The following LYRM4 variants were observed in gnomAD, a reference collection of about 807,000 sequenced individuals.
LYRM4 encodes the protein LYR motif-containing protein 4.
A neutral mutation model predicts 11.7 loss-of-function variants in LYRM4; 9 were observed. The observed-to-expected ratio is 0.77, with a 90% confidence interval of 0.46 to 1.34. The LOEUF (loss-of-function observed/expected upper bound fraction) is 1.34. LYRM4 is among the 40% of genes most tolerant of loss of function. LYRM4 has a pLI of 0.00. For missense variants in LYRM4, 133 were observed against 112.5 expected, an observed-to-expected ratio of 1.18 and a Z score of -0.82; for synonymous variants, 42 against 40.4, an observed-to-expected ratio of 1.04 and a Z score of -0.15.
chr6:5,107,790 G>A (rs1355102437), downstream of LYRM4: 1 of 151,958 alleles, frequency 6.6e-6, no homozygotes, highest in African/African-American at 2.4e-5. Flanking sequence ...CACTTTGGGG[G>A]GCCGAGGAGT....
intron 2 of LYRM4, among the ~76,000 whole-genome samples, chr6:5,128,265 GA>G (rs1467429748): frequency 6.6e-6 from 1 of 152,212 alleles, no homozygotes; most frequent in Admixed American, 6.5e-5. Flanking sequence ...TAGTGAAGAG[GA>G]CTGCAGTGAT....
chr6:5,044,830 G>A, the LYRM4 span, among the ~76,000 whole-genome samples: 1 of 152,160 alleles, frequency 6.6e-6, no homozygotes, highest in African/African-American at 2.4e-5. Flanking sequence ...CTTTTCTTTT[G>A]TTGTTACACA....
chr6:5,057,108 G>A, the LYRM4 span, among the ~76,000 whole-genome samples: 3 of 152,296 alleles, frequency 2.0e-5, no homozygotes, highest in African/African-American at 7.2e-5. Context: ...TGCGGTATCA[G>A]TGCAAGTGTC....
At chr6:5,185,015 T>A (rs1040709852) in intron 2 of LYRM4, among the ~76,000 whole-genome samples, 3 of 152,220 alleles carry the variant, frequency 2.0e-5, no homozygotes, top group Non-Finnish European at 4.4e-5. Context: ...CCCTTCCTTA[T>A]GCCCTGCTTG....
At chr6:5,215,181 T>C (rs1299233790) in intron 2 of LYRM4, among the ~76,000 whole-genome samples, 1 of 152,188 alleles carries the variant, frequency 6.6e-6, no homozygotes, top group Non-Finnish European at 1.5e-5. Context: ...AATTTTACGC[T>C]AAAGATAAAA....
the LYRM4 span, among the ~76,000 whole-genome samples, chr6:5,058,560 C>T: frequency 0.39 from 59,299 of 152,114 alleles, 14,302 homozygotes; most frequent in East Asian, 0.72. Context: ...TCTGAGCCTC[C>T]GCCAGCTCCA....
At chr6:5,214,133 G>A (rs1464273451) in intron 2 of LYRM4, among the ~76,000 whole-genome samples, 1 of 152,226 alleles carries the variant, frequency 6.6e-6, no homozygotes, top group Non-Finnish European at 1.5e-5. Context: ...TTGCAGAAGA[G>A]GGAGAAAATA....
chr6:5,218,429 C>T (rs4960073), intron 1 of LYRM4: 709,194 of 974,348 alleles, frequency 0.73, 258,939 homozygotes, highest in South Asian at 0.79. Flanking sequence ...CAAATTGTTT[C>T]AGATAAAGTT....
intron 1 of LYRM4, among the ~76,000 whole-genome samples, chr6:5,232,888 T>G (rs969565999): frequency 1.3e-4 from 20 of 152,246 alleles, no homozygotes; most frequent in African/African-American, 4.8e-4. Context: ...AACAGCAGCT[T>G]CCCTGTGGGT....
At chr6:5,186,552 A>T in intron 2 of LYRM4, 5 of 971,492 alleles carry the variant, frequency 5.1e-6, no homozygotes, top group Non-Finnish European at 6.1e-6. Context: ...ATAAATTCAA[A>T]TTACTTCAAA....
At chr6:5,085,664 C>T in the LYRM4 span, 1 of 1,548,522 alleles carries the variant, frequency 6.5e-7, no homozygotes, top group South Asian at 1.2e-5. Context: ...AGGCCCCTGT[C>T]CCCGAAGGAA....
the LYRM4 span, among the ~76,000 whole-genome samples, chr6:5,050,502 C>A: frequency 6.6e-6 from 1 of 152,206 alleles, no homozygotes; most frequent in Admixed American, 6.5e-5. Flanking sequence ...AATTAAAGGG[C>A]CAGCACCTGT....
chr6:5,252,246 T>G (rs1484757094), intron 1 of LYRM4, among the ~76,000 whole-genome samples: 3 of 152,206 alleles, frequency 2.0e-5, no homozygotes, highest in African/African-American at 4.8e-5. Flanking sequence ...AATTTTCTTC[T>G]GAAAAGAATG....
the LYRM4 span, among the ~76,000 whole-genome samples, chr6:5,095,024 T>C: frequency 2.6e-5 from 4 of 152,194 alleles, no homozygotes; most frequent in African/African-American, 7.2e-5. Flanking sequence ...TTCGAGATGA[T>C]GGATAGCCCA....
At chr6:5,141,598 T>C (rs12204382) in intron 2 of LYRM4, among the ~76,000 whole-genome samples, 31,101 of 152,014 alleles carry the variant, frequency 0.2, 3,705 homozygotes, top group African/African-American at 0.32. Context: ...AAAGTTTAAC[T>C]GATAATTTAG....
At chr6:5,152,423 G>C (rs1432116564) in intron 2 of LYRM4, among the ~76,000 whole-genome samples, 1 of 152,190 alleles carries the variant, frequency 6.6e-6, no homozygotes, top group Non-Finnish European at 1.5e-5. Context: ...TGACGTACTA[G>C]ATTAAATAGG....
chr6:5,253,427 G>GTTT (rs36106861), intron 1 of LYRM4, among the ~76,000 whole-genome samples: 2 of 145,642 alleles, frequency 1.4e-5, no homozygotes, highest in African/African-American at 5.0e-5. Context: ...GCAATTCTCA[G>GTTT]TTTTTTTTTT....
intron 2 of LYRM4, among the ~76,000 whole-genome samples, chr6:5,156,897 TGG>T (rs149200439): frequency 0.019 from 2,838 of 152,276 alleles, 71 homozygotes; most frequent in African/African-American, 0.062. Flanking sequence ...ACAGACATGA[TGG>T]GAATGTCACA....
intron 2 of LYRM4, among the ~76,000 whole-genome samples, chr6:5,172,641 C>A (rs913607654): frequency 6.6e-6 from 1 of 152,332 alleles, no homozygotes; most frequent in Non-Finnish European, 1.5e-5. Context: ...GGCTCCCCAG[C>A]ATCTCACAGA....
Sources: gnomAD v4.1 joint callset for allele counts (sites outside exome capture counted in the v4.1 genomes callset) on GRCh38, gnomAD v4.1.1 for gene constraint, MANE v1.5 for transcripts, NCBI Gene and HGNC (gene_info 2026-07-23, HGNC 2026-07-21) for gene names.